CFTR: variants seen among roughly 807,000 people sequenced by gnomAD.
The protein encoded by CFTR is CF transmembrane conductance regulator.
A neutral mutation model predicts 171.6 loss-of-function variants in CFTR; 181 were observed. The observed-to-expected ratio is 1.05, with a 90% CI of 0.93 to 1.19. The LOEUF (loss-of-function observed/expected upper bound fraction) is 1.19, where lower values mean the gene tolerates loss of function less well. CFTR is among the 50% of genes most tolerant of loss of function. The pLI, the probability that CFTR is intolerant of heterozygous loss-of-function variation, is 0.00. For missense variants in CFTR, 1,968 were observed against 1,734.7 expected, an observed-to-expected ratio of 1.13 and a Z score of -2.39; for synonymous variants, 583 against 608.0, an observed-to-expected ratio of 0.96 and a Z score of 0.60.
chr7:117,607,647 C>T (rs1412656695), intron 18 of CFTR, among the ~76,000 whole-genome samples: 1 of 152,034 alleles, frequency 6.6e-6, no homozygotes, highest in Non-Finnish European at 1.5e-5. Context: ...CTTTCCCTAC[C>T]CCTGCAAAAT....
chr7:117,483,032 A>G (rs1798022398), intron 1 of CFTR, among the ~76,000 whole-genome samples: 1 of 152,228 alleles, frequency 6.6e-6, no homozygotes, highest in African/African-American at 2.4e-5. Flanking sequence ...GTTAGGATCT[A>G]AGGTGGAAAT....
chr7:117,639,077 G>C (rs1378110102), intron 22 of CFTR, among the ~76,000 whole-genome samples: 1 of 152,108 alleles, frequency 6.6e-6, no homozygotes, highest in East Asian at 1.9e-4. Flanking sequence ...TATGTTGTTG[G>C]TTATGGTGAA....
Position 117,540,231 on chromosome 7 carries a change from G to A in CFTR, c.1001G>A (p.Arg334Gln), listed in dbSNP as rs397508137. Residue 334 changes from arginine (R) to glutamine (Q), a missense_variant, in exon 8 of 27, where the codon CGG becomes CAG. Arg to Gln is a conservative substitution (Grantham distance 43, BLOSUM62 1). Transcript: ENST00000003084. Reference sequence around the variant, plus strand: ...GCACTAATCAAAGGAATCATCCTCCGGAAAATATTCACCACCATCTCATTC... The same window carrying A: ...GCACTAATCAAAGGAATCATCCTCCAGAAAATATTCACCACCATCTCATTC... Reference protein sequence around the residue: ...PYALIKGIILRKIFTTISFCI... With the variant: ...PYALIKGIILQKIFTTISFCI... The A allele has an allele frequency of 1.8e-4, 298 of 1,614,010 alleles. No individual in the cohort carries two copies. The highest frequency in any genetic ancestry group is 1.9e-4 in the Non-Finnish European group (230 of 1,180,000).
At chr7:117,601,297 T>C (rs1171133691) in intron 15 of CFTR, among the ~76,000 whole-genome samples, 2 of 152,092 alleles carry the variant, frequency 1.3e-5, no homozygotes, top group African/African-American at 4.8e-5. Flanking sequence ...TTCTTTTCAT[T>C]TTGAATTAAC....
chr7:117,491,428 C>CA, intron 1 of CFTR, among the ~76,000 whole-genome samples: 1 of 152,150 alleles, frequency 6.6e-6, no homozygotes, highest in East Asian at 1.9e-4. Flanking sequence ...CAAAATACCA[C>CA]AAATTTGGTG....
chr7:117,487,728 C>T (rs1446266177), intron 1 of CFTR: 3 of 152,084 alleles, frequency 2.0e-5, no homozygotes, highest in Admixed American at 2.0e-4. Flanking sequence ...CACATCTACT[C>T]CCAAATGCCT....
At chr7:117,489,776 C>T (rs754226375) in intron 1 of CFTR, among the ~76,000 whole-genome samples, 6 of 151,542 alleles carry the variant, frequency 4.0e-5, no homozygotes, top group Non-Finnish European at 8.8e-5. Flanking sequence ...ATCTAGTGTG[C>T]TAAAATTAAC....
chr7:117,567,467 G>A (rs1230454097), intron 11 of CFTR, among the ~76,000 whole-genome samples: 1 of 152,116 alleles, frequency 6.6e-6, no homozygotes, highest in African/African-American at 2.4e-5. Flanking sequence ...ATGGCAGATT[G>A]TATTCCCATT....
chr7:117,666,270 G>A (rs994544629), intron 26 of CFTR, among the ~76,000 whole-genome samples: 2 of 152,284 alleles, frequency 1.3e-5, no homozygotes, highest in Non-Finnish European at 2.9e-5. Flanking sequence ...TAGTCACAAG[G>A]AAGTTCTGAG....
rs570532228 is a variant in CFTR at position 117,507,976 on chromosome 7, A to G, written c.165-1058A>G. ...ATTTTTGTAGAGACGGGGTTTTGCT[A>G]TGCTGGCCAGGCTGGTCTTGAACTC... On this transcript the variant is annotated intron_variant, in intron 2 of 26. Transcript: ENST00000003084. Among the ~76,000 whole-genome samples the G allele has an allele frequency of 3.9e-5, 6 of 152,244 alleles. No individual in the cohort carries two copies. The East Asian group carries it at 9.7e-4, about 25-fold the overall frequency.
Position 117,590,425 on chromosome 7 carries a change from A to C in CFTR, c.1752A>C (p.Lys584Asn). Residue 584 changes from lysine (K) to asparagine (N), a missense_variant, in exon 13 of 27, where the codon AAA (lysine) becomes AAC (asparagine). By Grantham distance (94) the Lys-to-Asn change is moderately conservative (BLOSUM62 0). Transcript: ENST00000003084. ...PFGYLDVLTE[K>N]EIFESCVCKL... ...GATACCTAGATGTTTTAACAGAAAA[A>C]GAAATATTTGAAAGGTATGTTCTTT... 6.2e-7 allele frequency: 1 copy of C among 1,601,976 alleles called. No homozygotes were observed. Among genetic ancestry groups the C allele is most frequent in the Non-Finnish European group, 8.5e-7 (1 of 1,171,392 alleles).
chr7:117,651,120 G>T (rs1793083419), intron 23 of CFTR, among the ~76,000 whole-genome samples: 1 of 152,178 alleles, frequency 6.6e-6, no homozygotes, highest in Non-Finnish European at 1.5e-5. Context: ...CCCAGGACAT[G>T]GTTCATGATA....
At chr7:117,609,911 T>A (rs1792356496) in intron 18 of CFTR, among the ~76,000 whole-genome samples, 1 of 152,144 alleles carries the variant, frequency 6.6e-6, no homozygotes, top group South Asian at 2.1e-4. Context: ...AAACAATTTT[T>A]AAAATTTTCA....
chr7:117,656,347 C>T (rs951523006), intron 24 of CFTR, among the ~76,000 whole-genome samples: 4 of 152,102 alleles, frequency 2.6e-5, no homozygotes, highest in South Asian at 2.1e-4. Context: ...AGTTTTCTTT[C>T]GAAGTCGCCA....
chr7:117,606,888 C>A, intron 18 of CFTR, 135 bp downstream of exon 18: 1 of 698,908 alleles, frequency 1.4e-6, no homozygotes. Flanking sequence ...TTGTAATTAT[C>A]CAAAGCCTTC....
At chr7:117,666,778 G>C in intron 26 of CFTR, 130 bp from the exon 27 acceptor site, 2 of 789,034 alleles carry the variant, frequency 2.5e-6, no homozygotes, top group East Asian at 2.6e-5. Flanking sequence ...ATACCTGATT[G>C]TTCAAAATGC....
chr7:117,645,053 G>A (rs1033832169), intron 23 of CFTR, among the ~76,000 whole-genome samples: 2 of 152,130 alleles, frequency 1.3e-5, no homozygotes, highest in African/African-American at 4.8e-5. Flanking sequence ...GCCTATTCTT[G>A]CAACGAGTCT....
At chr7:117,614,364 A>T (rs1006730165) in intron 20 of CFTR, among the ~76,000 whole-genome samples, 12 of 152,158 alleles carry the variant, frequency 7.9e-5, no homozygotes, top group African/African-American at 2.4e-4. Context: ...AACATTTTTT[A>T]AAAAGGGCAA....
intron 19 of CFTR, among the ~76,000 whole-genome samples, chr7:117,610,917 CA>C (rs1374644619): frequency 6.6e-6 from 1 of 152,118 alleles, no homozygotes; most frequent in African/African-American, 2.4e-5. Context: ...AATCTTACCA[CA>C]GTTGGTGTAC....
Sources: allele counts gnomAD v4.1 joint callset (sites outside exome capture counted in the v4.1 genomes callset), GRCh38; gene constraint gnomAD v4.1.1; transcripts MANE v1.5; gene names NCBI Gene and HGNC (gene_info 2026-07-23, HGNC 2026-07-21).